The following NRF1 variants were observed in gnomAD, a reference collection of about 807,000 sequenced individuals.
NRF1 encodes nuclear respiratory factor 1.
NRF1 carries 5 observed loss-of-function variants against 58.5 expected under a neutral mutation model. The observed-to-expected ratio is 0.09, with a 90% CI of 0.04 to 0.18. The LOEUF is 0.18. Ranked by LOEUF, NRF1 falls within the 10% of genes least tolerant of loss-of-function variation. NRF1 has a pLI of 1.00. For synonymous variants in NRF1, 224 were observed against 246.7 expected (o/e 0.91, Z 0.86); for missense variants, 288 against 657.7 (o/e 0.44, Z 6.15).
At chr7:129,662,317 T>A (rs1801801629) in intron 2 of NRF1, among the ~76,000 whole-genome samples, 1 of 152,122 alleles carries the variant, frequency 6.6e-6, no homozygotes, top group Admixed American at 6.5e-5. Flanking sequence ...TTAATTTTGG[T>A]AATTGTTAAT....
At chr7:129,699,167 G>A (rs983160136) in intron 5 of NRF1, among the ~76,000 whole-genome samples, 6 of 152,184 alleles carry the variant, frequency 3.9e-5, no homozygotes, top group Non-Finnish European at 7.3e-5. Flanking sequence ...GCAGTTTCAG[G>A]TAAACCTTCT....
intron 5 of NRF1, among the ~76,000 whole-genome samples, chr7:129,706,673 T>C (rs1189887869): frequency 6.6e-6 from 1 of 152,120 alleles, no homozygotes; most frequent in African/African-American, 2.4e-5. Context: ...CAAGTAACAT[T>C]GAGTTATTGG....
rs1804219188 is a variant in NRF1, at chr7:129,755,008, G to A, written c.1349-10G>A. The A allele has an allele frequency of 6.4e-7, 1 of 1,573,286 alleles. No individual in the cohort carries two copies. The highest frequency in any genetic ancestry group is 1.7e-4 in the Middle Eastern group (1 of 5,938). On this transcript the variant is annotated splice_polypyrimidine_tract_variant and intron_variant, in intron 10 of 10. Transcript: ENST00000393232. This position sits in a 1 kb window ranked among gnomAD's most constrained non-coding sequence, Gnocchi z 5.8. ...GAGCCCCACCAACGGTCTTCTCTTT[G>A]TCTCTCCAGGCCTGGTCCAGATCCC...
intron 5 of NRF1, among the ~76,000 whole-genome samples, chr7:129,693,846 C>T (rs1802625714): frequency 6.6e-6 from 1 of 152,156 alleles, no homozygotes; most frequent in African/African-American, 2.4e-5. Context: ...GTTAGGTAAA[C>T]TCCTCTCCTG....
chr7:129,744,030 T>G (rs1803909993), intron 10 of NRF1: 2 of 628,180 alleles, frequency 3.2e-6, no homozygotes, highest in Non-Finnish European at 5.2e-6. Context: ...GCCGAAGGCT[T>G]TCCTCACGGG....
chr7:129,754,417 C>G (rs1584699299), intron 10 of NRF1, among the ~76,000 whole-genome samples: 2 of 136,670 alleles, frequency 1.5e-5, no homozygotes, highest in African/African-American at 5.5e-5. Flanking sequence ...GAGCTGTGGT[C>G]ACGCCACTGC....
At chr7:129,645,579 C>G (rs1052718652) in intron 1 of NRF1, among the ~76,000 whole-genome samples, 1 of 152,176 alleles carries the variant, frequency 6.6e-6, no homozygotes. Context: ...GTCAAAGGTA[C>G]CATTGCTACC....
intron 1 of NRF1, among the ~76,000 whole-genome samples, chr7:129,639,570 G>T (rs1284775426): frequency 2.8e-5 from 4 of 145,188 alleles, no homozygotes; most frequent in African/African-American, 7.7e-5. Flanking sequence ...TTGCGAGATG[G>T]AGTCTTGCTC....
At chr7:129,746,884 C>T (rs774793840) in intron 10 of NRF1, among the ~76,000 whole-genome samples, 8 of 152,208 alleles carry the variant, frequency 5.3e-5, no homozygotes, top group Non-Finnish European at 8.8e-5. Context: ...ATTTTTCTCC[C>T]AACTAAAGAT....
At chr7:129,641,557 G>A (rs957642123) in intron 1 of NRF1, among the ~76,000 whole-genome samples, 2 of 152,040 alleles carry the variant, frequency 1.3e-5, no homozygotes, top group South Asian at 2.1e-4. Context: ...TATTGCATTC[G>A]CTTTCTCTGC....
chr7:129,639,502 C>G (rs1478977736), intron 1 of NRF1, among the ~76,000 whole-genome samples: 1 of 150,820 alleles, frequency 6.6e-6, no homozygotes, highest in East Asian at 1.9e-4. Context: ...GTGTGCCCAA[C>G]TCTCCATTTT....
intron 10 of NRF1, among the ~76,000 whole-genome samples, chr7:129,729,478 A>G (rs1803529357): frequency 6.6e-6 from 1 of 152,234 alleles, no homozygotes; most frequent in Non-Finnish European, 1.5e-5. Flanking sequence ...GACTGCCAGT[A>G]CTTGCTGAAC....
At chr7:129,672,527 T>C (rs978257627) in intron 3 of NRF1, among the ~76,000 whole-genome samples, 2 of 152,162 alleles carry the variant, frequency 1.3e-5, no homozygotes, top group African/African-American at 2.4e-5. Context: ...TAGGTGGTGA[T>C]TATAGTAATC....
Position 129,654,411 on chromosome 7 carries a change from G to A in NRF1, c.-6-2935G>A, listed in dbSNP as rs186288900. On this transcript the variant is annotated intron_variant, in intron 1 of 10. Transcript: ENST00000393232. ...ACTATTTCCTCCCTGTCTATGTCCT[G>A]TCTTCTCATTCTTTTGGCAGTGTCT... Among the ~76,000 whole-genome samples the A allele has an allele frequency of 1.6e-4, 24 of 152,104 alleles. No individual in the cohort carries two copies. In the East Asian group the frequency reaches 4.6e-3, roughly 29 times the overall value.
intron 5 of NRF1, among the ~76,000 whole-genome samples, chr7:129,703,187 T>C (rs1229639249): frequency 1.3e-5 from 2 of 152,248 alleles, no homozygotes; most frequent in African/African-American, 4.8e-5. Context: ...TAGTATTTTC[T>C]ATTCTTTGCT....
rs7777581 is a variant in NRF1, at chr7:129,731,291, T to C, written c.1348+3926T>C. Among the ~76,000 whole-genome samples the C allele has an allele frequency of 8.0e-3, 1,097 of 136,304 alleles. 17 individuals carry two copies. The highest frequency in any genetic ancestry group is 0.028 in the African/African-American group (1,042 of 36,890). The allele number at this position is 136,304 out of a possible 152,430, so 89.4% of individuals were successfully genotyped here. On this transcript the variant is annotated intron_variant, in intron 10 of 10. Transcript: ENST00000393232. ...GTCTTGAAAAAAAAAAAAAAAAAGG[T>C]AATGACCCATGCAAGCCAGAAGTTT...
At chr7:129,739,307 A>G (rs1803793647) in intron 10 of NRF1, among the ~76,000 whole-genome samples, 1 of 152,244 alleles carries the variant, frequency 6.6e-6, no homozygotes, top group African/African-American at 2.4e-5. Flanking sequence ...ATTCACATTT[A>G]AATGTAAACA....
At chr7:129,672,200 C>CG (rs1802063522) in intron 3 of NRF1, among the ~76,000 whole-genome samples, 1 of 116,892 alleles carries the variant, frequency 8.6e-6, no homozygotes. Flanking sequence ...GCCAGGAGAT[C>CG]TTTTTTTTTT....
At chr7:129,681,185 G>A (rs1310110094) in intron 4 of NRF1, among the ~76,000 whole-genome samples, 1 of 152,210 alleles carries the variant, frequency 6.6e-6, no homozygotes. Context: ...CGGAGCCAGT[G>A]ATACAGGCTA....
Sources: gnomAD v4.1 joint callset for allele counts (sites outside exome capture counted in the v4.1 genomes callset) on GRCh38, gnomAD v4.1.1 for gene constraint, Gnocchi (gnomAD v3.1) non-coding constraint, MANE v1.5 for transcripts, NCBI Gene and HGNC (gene_info 2026-07-23, HGNC 2026-07-21) for gene names.